The following ABCA12 variants were observed in gnomAD, a reference collection of about 807,000 sequenced individuals.
ABCA12 encodes the protein ATP binding cassette subfamily A member 12, also known as glucosylceramide transporter ABCA12.
Under a neutral mutation model 293.5 loss-of-function variants are expected in ABCA12, and 156 were observed. That is an observed-to-expected ratio of 0.53 (90% confidence interval 0.47 to 0.61). The LOEUF (loss-of-function observed/expected upper bound fraction) is 0.61. Ranked by LOEUF, ABCA12 falls within the 20% of genes least tolerant of loss-of-function variation. The pLI, the probability that ABCA12 is intolerant of heterozygous loss-of-function variation, is 0.00. For synonymous variants in ABCA12, 1,063 were observed against 1,108.0 expected (o/e 0.96, Z 0.81); for missense variants, 2,797 against 3,090.2 (o/e 0.91, Z 2.25).
rs538047092 is a variant in ABCA12, at chr2:215,013,775, G to A, written c.1957-1640C>T. Reference sequence around the variant, plus strand: ...AAATAACCATTGGCTGAGTTAATGGGTATTTGCTTCATTTCCCTATGGGCC... The same window carrying A: ...AAATAACCATTGGCTGAGTTAATGGATATTTGCTTCATTTCCCTATGGGCC... On this transcript the variant is annotated intron_variant, in intron 15 of 52. Transcript: ENST00000272895. Among the ~76,000 whole-genome samples, 284 of 152,280 alleles carry A rather than the reference G, an allele frequency of 1.9e-3. 2 individuals are homozygous for A. Among genetic ancestry groups the A allele is most frequent in the Middle Eastern group, 0.01 (3 of 294 alleles).
chr2:215,041,718 T>C (rs1353433161), intron 7 of ABCA12, among the ~76,000 whole-genome samples: 1 of 152,212 alleles, frequency 6.6e-6, no homozygotes. Flanking sequence ...TATTGCTGTG[T>C]TCATTGCAGC....
chr2:215,079,596 C>A (rs549832380), intron 2 of ABCA12, among the ~76,000 whole-genome samples: 66 of 152,286 alleles, frequency 4.3e-4, no homozygotes, highest in African/African-American at 1.2e-3. Flanking sequence ...TCTCCCAGTT[C>A]AATTACTTCT....
At chr2:215,110,487 C>T (rs1702550432) in intron 2 of ABCA12, among the ~76,000 whole-genome samples, 2 of 152,204 alleles carry the variant, frequency 1.3e-5, no homozygotes, top group Admixed American at 6.5e-5. Context: ...TGCACTCCAG[C>T]CTGGGCGACA....
intron 2 of ABCA12, among the ~76,000 whole-genome samples, chr2:215,093,376 C>G (rs1406721448): frequency 6.6e-6 from 1 of 152,126 alleles, no homozygotes; most frequent in Non-Finnish European, 1.5e-5. Flanking sequence ...CCTGGCTGAC[C>G]CCATAAATCC....
At chr2:215,025,897 C>T in intron 10 of ABCA12, 118 bp from the exon 11 acceptor site, 1 of 694,694 alleles carries the variant, frequency 1.4e-6, no homozygotes, top group Non-Finnish European at 2.6e-6. Context: ...AATAGCCTAC[C>T]TCAATACAAA....
At chr2:214,935,968 A>G (rs939076959) in intron 51 of ABCA12, among the ~76,000 whole-genome samples, 1 of 152,132 alleles carries the variant, frequency 6.6e-6, no homozygotes, top group Non-Finnish European at 1.5e-5. Context: ...TGTGCCTTAT[A>G]ATTTATGGAG....
chr2:215,104,214 G>A (rs182470692), intron 2 of ABCA12, among the ~76,000 whole-genome samples: 1 of 152,270 alleles, frequency 6.6e-6, no homozygotes, highest in East Asian at 1.9e-4. Flanking sequence ...ACTACACAAT[G>A]TGGGGATGAT....
intron 3 of ABCA12, among the ~76,000 whole-genome samples, chr2:215,056,219 C>T (rs1575014892): frequency 6.6e-6 from 1 of 152,008 alleles, no homozygotes; most frequent in African/African-American, 2.4e-5. Context: ...GGAAACTAAG[C>T]AAGTGTGCTC....
chr2:214,963,291 A>G (rs1402600467), intron 39 of ABCA12: 1 of 152,166 alleles, frequency 6.6e-6, no homozygotes, highest in Non-Finnish European at 1.5e-5. Flanking sequence ...GAACACCTCT[A>G]TGCAAATAAA....
chr2:214,975,006 A>G, intron 34 of ABCA12, 142 bp from the exon 35 acceptor site: 1 of 745,926 alleles, frequency 1.3e-6, no homozygotes, highest in Non-Finnish European at 2.3e-6. Flanking sequence ...CGTGTTGCCC[A>G]GGCTGGAGTG....
intron 49 of ABCA12, 44 bp downstream of exon 49, chr2:214,944,957 C>G (rs1222104556): frequency 3.9e-6 from 6 of 1,535,450 alleles, no homozygotes; most frequent in East Asian, 4.5e-5. Flanking sequence ...CACCTGTCAT[C>G]CTAAGACTGT....
Position 214,968,755 on chromosome 2 carries a change from T to C in ABCA12, c.5743A>G (p.Ile1915Val). ...GTTCTATTGGCAGGGACTCCTGTTATATCAAAACGAAGGTCTTTTGTCAAA... is the reference window on the plus strand; with the variant it reads ...GTTCTATTGGCAGGGACTCCTGTTACATCAAAACGAAGGTCTTTTGTCAAA... ...LPLTKDLRFD[I>V]TGVPANRTLA... The change falls in exon 38 of 53, where the codon ATA (isoleucine) becomes GTA (valine). Residue 1915 changes from isoleucine to valine, a missense_variant. Transcript: ENST00000272895. 2 of 1,613,390 alleles carry C rather than the reference T, an allele frequency of 1.2e-6. No homozygotes were observed. Among genetic ancestry groups the C allele is most frequent in the South Asian group, 1.1e-5 (1 of 91,076 alleles).
chr2:214,952,210 CTT>C (rs202197627), intron 44 of ABCA12, among the ~76,000 whole-genome samples: 2 of 132,206 alleles, frequency 1.5e-5, no homozygotes, highest in Admixed American at 1.7e-4. Context: ...CTGGAAATGC[CTT>C]TTTTTTGTTG....
intron 5 of ABCA12, 109 bp from the exon 6 acceptor site, chr2:215,049,920 T>A: frequency 2.1e-6 from 2 of 942,034 alleles, no homozygotes; most frequent in Non-Finnish European, 3.3e-6. Flanking sequence ...CATTTTGAGG[T>A]CCTCCATTAT....
intron 23 of ABCA12, among the ~76,000 whole-genome samples, chr2:214,995,576 G>C (rs1241101691): frequency 6.6e-6 from 1 of 152,120 alleles, no homozygotes; most frequent in African/African-American, 2.4e-5. Context: ...CTCACTTTCT[G>C]AGCTGAACCT....
chr2:215,019,050 G>A (rs532459533), intron 13 of ABCA12, among the ~76,000 whole-genome samples: 2 of 152,188 alleles, frequency 1.3e-5, no homozygotes, highest in African/African-American at 4.8e-5. Context: ...CTGACTATGG[G>A]ATGAACTTTA....
intron 33 of ABCA12, 60 bp from the exon 34 acceptor site, chr2:214,976,097 C>T (rs777288157): frequency 7.1e-5 from 113 of 1,598,228 alleles, no homozygotes; most frequent in Non-Finnish European, 9.2e-5. Flanking sequence ...AATAAAATAA[C>T]TTCAGAAACT....
At chr2:214,950,757 G>C in intron 45 of ABCA12, 122 bp downstream of exon 45, 1 of 1,037,636 alleles carries the variant, frequency 9.6e-7, no homozygotes, top group Non-Finnish European at 1.5e-6. Flanking sequence ...CACCCACCTC[G>C]GCCTCCCAAA....
At chr2:215,011,210 T>A (rs1163651176) in intron 17 of ABCA12, among the ~76,000 whole-genome samples, 1 of 152,194 alleles carries the variant, frequency 6.6e-6, no homozygotes, top group Admixed American at 6.5e-5. Flanking sequence ...ACTTCCAAGT[T>A]GAGCGACACT....
Sources: gnomAD v4.1 joint callset for allele counts (sites outside exome capture counted in the v4.1 genomes callset) on GRCh38, gnomAD v4.1.1 for gene constraint, MANE v1.5 for transcripts, NCBI Gene and HGNC (gene_info 2026-07-23, HGNC 2026-07-21) for gene names.